DLG2: variants seen among roughly 807,000 people sequenced by gnomAD.
DLG2 encodes the protein discs large MAGUK scaffold protein 2, also known as disks large homolog 2.
DLG2 carries 45 observed loss-of-function variants against 132.5 expected under a neutral mutation model. The ratio of observed to expected loss-of-function variants is 0.34; its 90% confidence interval spans 0.27 to 0.44. The LOEUF is 0.44. Ranked by LOEUF, DLG2 falls within the 20% of genes least tolerant of loss-of-function variation. The pLI, the probability that DLG2 is intolerant of heterozygous loss-of-function variation, is 1.00. For synonymous variants in DLG2, 424 were observed against 419.6 expected (o/e 1.01, Z -0.13); for missense variants, 1,045 against 1,196.9 (o/e 0.87, Z 1.87).
At chr11:84,577,604 C>T (rs569518352) in intron 6 of DLG2, among the ~76,000 whole-genome samples, 29 of 152,060 alleles carry the variant, frequency 1.9e-4, no homozygotes, top group South Asian at 1.9e-3. Context: ...GGGTATCTGA[C>T]GGAAAAAAAT....
At chr11:84,001,331 A>G (rs920700389) in intron 11 of DLG2, among the ~76,000 whole-genome samples, 1 of 151,408 alleles carries the variant, frequency 6.6e-6, no homozygotes, top group African/African-American at 2.4e-5. Context: ...AGTAAAAAAA[A>G]AAAAACAGTA....
At chr11:84,788,142 C>T (rs1014784659) in intron 6 of DLG2, among the ~76,000 whole-genome samples, 1 of 141,892 alleles carries the variant, frequency 7.0e-6, no homozygotes, top group South Asian at 2.3e-4. Flanking sequence ...GAAGAAACCA[C>T]ATCAATCTCC....
intron 6 of DLG2, among the ~76,000 whole-genome samples, chr11:84,674,213 T>C (rs564044285): frequency 9.8e-4 from 149 of 152,122 alleles, no homozygotes; most frequent in Non-Finnish European, 1.9e-3. Context: ...TATTCAACAG[T>C]AAATTCTACT....
chr11:84,245,025 T>C (rs1373721992), intron 8 of DLG2, among the ~76,000 whole-genome samples: 1 of 152,204 alleles, frequency 6.6e-6, no homozygotes, highest in African/African-American at 2.4e-5. Context: ...ATATGGCAAC[T>C]TCCTTCTCAG....
At chr11:84,185,230 A>G (rs1028179839) in intron 8 of DLG2, among the ~76,000 whole-genome samples, 10 of 152,040 alleles carry the variant, frequency 6.6e-5, no homozygotes, top group Non-Finnish European at 1.0e-4. Context: ...ATTTGTTTGT[A>G]TCCTCTTTTA....
At chr11:83,976,682 G>T (rs192967826) in intron 12 of DLG2, among the ~76,000 whole-genome samples, 2 of 151,810 alleles carry the variant, frequency 1.3e-5, no homozygotes, top group East Asian at 3.9e-4. Flanking sequence ...TTTCAACTTG[G>T]AAGTACTAAT....
chr11:84,026,550 A>T (rs1017596622), intron 11 of DLG2, among the ~76,000 whole-genome samples: 4 of 152,166 alleles, frequency 2.6e-5, no homozygotes, highest in African/African-American at 7.2e-5. Context: ...TAGAATTATA[A>T]ATAAGTACTG....
At chr11:84,628,617 C>T (rs2099626700) in intron 6 of DLG2, among the ~76,000 whole-genome samples, 2 of 152,178 alleles carry the variant, frequency 1.3e-5, no homozygotes, top group South Asian at 4.1e-4. Context: ...ATGACCTCCA[C>T]CTGGATATAC....
rs147229028 is a variant in DLG2, at chr11:83,537,262, T to G, written c.2117+4420A>C. The stretch of plus-strand genomic sequence containing the variant: ...TCTCCCTCTCTCCCATCTGGTATTT[T>G]TAGGTTCTGGCCAAACCCATAATTG... On this transcript the variant is annotated intron_variant, in intron 20 of 27. Coordinates refer to ENST00000376104, the MANE Select transcript of DLG2 (RefSeq NM_001142699.3). Among the ~76,000 whole-genome samples the G allele has an allele frequency of 3.1e-3, 470 of 152,298 alleles. 4 individuals carry two copies. The highest frequency in any genetic ancestry group is 0.011 in the African/African-American group (440 of 41,562).
chr11:84,584,220 T>C (rs181987487), intron 6 of DLG2, among the ~76,000 whole-genome samples: 128 of 152,298 alleles, frequency 8.4e-4, no homozygotes, highest in African/African-American at 2.9e-3. Flanking sequence ...TAATTGAGTA[T>C]AAAATGGTAT....
intron 7 of DLG2, among the ~76,000 whole-genome samples, chr11:84,294,675 T>G (rs2098063756): frequency 6.6e-6 from 1 of 152,180 alleles, no homozygotes; most frequent in African/African-American, 2.4e-5. Flanking sequence ...TAACGCCATA[T>G]TTTTTATTCA....
At chr11:83,943,209 T>C (rs966158852) in intron 14 of DLG2, among the ~76,000 whole-genome samples, 19 of 152,178 alleles carry the variant, frequency 1.2e-4, no homozygotes, top group Admixed American at 2.0e-4. Flanking sequence ...ACACAATGTA[T>C]ACACAAGAAA....
intron 11 of DLG2, among the ~76,000 whole-genome samples, chr11:83,981,123 A>G (rs1465507403): frequency 6.6e-6 from 1 of 152,224 alleles, no homozygotes; most frequent in African/African-American, 2.4e-5. Flanking sequence ...CAAGATGAGA[A>G]ATAGAATTGT....
chr11:83,594,563 T>C (rs942713738), intron 19 of DLG2, among the ~76,000 whole-genome samples: 1 of 152,170 alleles, frequency 6.6e-6, no homozygotes, highest in African/African-American at 2.4e-5. Flanking sequence ...TTGTCGTACA[T>C]TGAAGCAATC....
intron 7 of DLG2, among the ~76,000 whole-genome samples, chr11:84,335,564 A>T (rs2098480816): frequency 6.6e-6 from 1 of 152,208 alleles, no homozygotes; most frequent in Admixed American, 6.5e-5. Flanking sequence ...TACGTTTTCC[A>T]ACAGTTTACG....
chr11:83,881,701 T>C (rs1215806308), intron 15 of DLG2, among the ~76,000 whole-genome samples: 1 of 152,148 alleles, frequency 6.6e-6, no homozygotes, highest in Non-Finnish European at 1.5e-5. Context: ...CAGACCAATG[T>C]CCACAGCAAG....
chr11:84,306,500 T>G (rs980100797), intron 7 of DLG2, among the ~76,000 whole-genome samples: 1 of 152,182 alleles, frequency 6.6e-6, no homozygotes, highest in Non-Finnish European at 1.5e-5. Flanking sequence ...CAAAGTGTAA[T>G]GGTCCCTTGA....
chr11:85,251,592 A>G (rs2152696289), intron 4 of DLG2, among the ~76,000 whole-genome samples: 1 of 152,284 alleles, frequency 6.6e-6, no homozygotes, highest in East Asian at 1.9e-4. Context: ...GGCTTAAAGA[A>G]GCTTTTTAAA....
chr11:84,171,383 C>T (rs557725755), intron 8 of DLG2, among the ~76,000 whole-genome samples: 1 of 152,050 alleles, frequency 6.6e-6, no homozygotes, highest in Admixed American at 6.6e-5. Flanking sequence ...ATTTCTTATC[C>T]CTCATTCCAT....
Sources: gnomAD v4.1 joint callset for allele counts (sites outside exome capture counted in the v4.1 genomes callset) on GRCh38, gnomAD v4.1.1 for gene constraint, MANE v1.5 for transcripts, NCBI Gene and HGNC (gene_info 2026-07-23, HGNC 2026-07-21) for gene names.